PTPN12: variants seen among roughly 807,000 people sequenced by gnomAD.
PTPN12 encodes the protein tyrosine-protein phosphatase non-receptor type 12.
Under a neutral mutation model 97.6 loss-of-function variants are expected in PTPN12, and 29 were observed. The ratio of observed to expected loss-of-function variants is 0.30; its 90% CI spans 0.22 to 0.41. The LOEUF is 0.41. PTPN12 is among the 10% of genes least tolerant of loss of function. The pLI is 1.00. For missense variants in PTPN12, 819 were observed against 926.0 expected, an observed-to-expected ratio of 0.88 and a Z score of 1.50; for synonymous variants, 327 against 300.4, an observed-to-expected ratio of 1.09 and a Z score of -0.91.
chr7:77,626,604 G>A, intron 12 of PTPN12, 101 bp from the exon 13 acceptor site: 2 of 1,302,550 alleles, frequency 1.5e-6, no homozygotes, highest in Admixed American at 5.1e-5. Flanking sequence ...TTCGCAACCA[G>A]ATTGTAATGG....
intron 7 of PTPN12, among the ~76,000 whole-genome samples, chr7:77,599,696 A>C (rs1258285415): frequency 6.6e-6 from 1 of 152,204 alleles, no homozygotes; most frequent in Non-Finnish European, 1.5e-5. Context: ...ATATCCAGAT[A>C]CTGTTACGTC....
chr7:77,574,053 G>T (rs928840289), intron 2 of PTPN12, among the ~76,000 whole-genome samples: 1 of 152,200 alleles, frequency 6.6e-6, no homozygotes, highest in Non-Finnish European at 1.5e-5. Flanking sequence ...AGGGTGTACT[G>T]TATGCTGGGA....
At chr7:77,574,249 G>C (rs184458580) in intron 2 of PTPN12, among the ~76,000 whole-genome samples, 21 of 152,264 alleles carry the variant, frequency 1.4e-4, no homozygotes, top group Admixed American at 1.4e-3. Context: ...TACAGTTTTG[G>C]CTGGGGTAGT....
intron 9 of PTPN12, among the ~76,000 whole-genome samples, chr7:77,610,320 T>C (rs1218988364): frequency 1.3e-5 from 2 of 152,222 alleles, no homozygotes; most frequent in Non-Finnish European, 2.9e-5. Flanking sequence ...TAAATATCCT[T>C]ATCTTCTCTC....
intron 4 of PTPN12, 100 bp from the exon 5 acceptor site, chr7:77,585,443 A>G (rs550523222): frequency 8.3e-5 from 83 of 1,002,468 alleles, no homozygotes; most frequent in Non-Finnish European, 1.1e-4. Flanking sequence ...AGCCAATTAT[A>G]CTTCTCGGTG....
chr7:77,612,700 G>A (rs1788609736), intron 11 of PTPN12, among the ~76,000 whole-genome samples: 1 of 151,592 alleles, frequency 6.6e-6, no homozygotes, highest in African/African-American at 2.4e-5. Context: ...AGCCTCCCAA[G>A]TGCTAGGATT....
At chr7:77,629,370 A>G (rs969628910) in intron 13 of PTPN12, among the ~76,000 whole-genome samples, 4 of 152,234 alleles carry the variant, frequency 2.6e-5, no homozygotes, top group African/African-American at 9.6e-5. Context: ...CCAGTTTACC[A>G]TAATTTTAAA....
intron 8 of PTPN12, chr7:77,605,011 T>C (rs923694691): frequency 2.4e-5 from 5 of 209,646 alleles, no homozygotes; most frequent in African/African-American, 1.2e-4. Context: ...ATCTGTATCT[T>C]TATGTTATAC....
intron 9 of PTPN12, 96 bp downstream of exon 9, chr7:77,607,397 T>C (rs956055482): frequency 6.6e-6 from 6 of 912,710 alleles, no homozygotes; most frequent in African/African-American, 5.2e-5. Flanking sequence ...TATTTTATTA[T>C]ACATGTTATT....
chr7:77,592,178 A>C lies in PTPN12; in HGVS notation c.421-7A>C. 6.3e-7 allele frequency: 1 copy of C among 1,585,420 alleles called. No individual in the cohort carries two copies. The highest frequency in any genetic ancestry group is 1.2e-5 in the South Asian group (1 of 86,358). ...ATTACTTACTAATTTTTTTTTTTGG[A>C]TGACAGAAAAAATGTGAGCGCTATT... On this transcript the variant is annotated splice_polypyrimidine_tract_variant and splice_region_variant and intron_variant, in intron 5 of 17. Transcript: ENST00000248594.
At position 77,537,339 on chromosome 7, in the gene PTPN12, C is replaced by T; in HGVS notation, c.-208C>T. ...TGGTACTGTGGGAGAGCGGCGGCTG[C>T]TCCTGGAAGTTGTGGTGTCGGGAGC... On this transcript the variant is annotated 5_prime_UTR_variant, in exon 1 of 18. Transcript: ENST00000248594. The T allele has an allele frequency of 1.8e-6, 1 of 563,680 alleles. No homozygotes were observed. The highest frequency in any genetic ancestry group is 2.8e-6 in the Non-Finnish European group (1 of 354,744). 34.9% of individuals were successfully genotyped at this position (563,680 alleles called of 1,614,324 possible). A position where few individuals can be genotyped will look rare whatever the true frequency, so the allele number is the denominator to read the frequency against.
At chr7:77,607,967 CTGGTCTCGAACTTCT>C (rs1299554811) in intron 9 of PTPN12, among the ~76,000 whole-genome samples, 1 of 152,140 alleles carries the variant, frequency 6.6e-6, no homozygotes, top group Non-Finnish European at 1.5e-5. Flanking sequence ...GTTGGCCAGG[CTGGTCTCGAACTTCT>C]GACCTCAGGT....
At chr7:77,600,637 A>T in intron 7 of PTPN12, 27 bp from the exon 8 acceptor site, 1 of 1,555,002 alleles carries the variant, frequency 6.4e-7, no homozygotes, top group East Asian at 2.3e-5. Context: ...TATTTTCATA[A>T]TTGTTGACTT....
intron 12 of PTPN12, 49 bp from the exon 13 acceptor site, chr7:77,626,656 A>G: frequency 1.3e-6 from 2 of 1,517,442 alleles, no homozygotes; most frequent in Admixed American, 2.1e-5. Flanking sequence ...CTCAGGTATC[A>G]ACTTGTTTAA....
At chr7:77,544,896 T>C (rs558270103) in intron 1 of PTPN12, among the ~76,000 whole-genome samples, 1 of 152,352 alleles carries the variant, frequency 6.6e-6, no homozygotes, top group Non-Finnish European at 1.5e-5. Flanking sequence ...AGGGTTTGTC[T>C]TCTAGACGAT....
chr7:77,629,597 G>T (rs1293390733), intron 13 of PTPN12, among the ~76,000 whole-genome samples: 3 of 151,658 alleles, frequency 2.0e-5, no homozygotes, highest in African/African-American at 7.3e-5. Context: ...CTGGAAATAG[G>T]ATTTGGTGAG....
intron 5 of PTPN12, among the ~76,000 whole-genome samples, chr7:77,588,914 T>C (rs1787777997): frequency 6.6e-6 from 1 of 152,130 alleles, no homozygotes; most frequent in Non-Finnish European, 1.5e-5. Flanking sequence ...GCTGTGTCAG[T>C]CAGGCTGGAG....
At chr7:77,569,629 G>A (rs572557627) in intron 1 of PTPN12, among the ~76,000 whole-genome samples, 1 of 152,026 alleles carries the variant, frequency 6.6e-6, no homozygotes, top group African/African-American at 2.4e-5. Flanking sequence ...AAATTAGCTG[G>A]ACCTGGTGGC....
At chr7:77,552,557 T>G in intron 1 of PTPN12, among the ~76,000 whole-genome samples, 1 of 152,296 alleles carries the variant, frequency 6.6e-6, no homozygotes, top group Non-Finnish European at 1.5e-5. Flanking sequence ...AAATTATTAT[T>G]TTGCCTTTAA....
Sources: allele counts gnomAD v4.1 joint callset (sites outside exome capture counted in the v4.1 genomes callset), GRCh38; gene constraint gnomAD v4.1.1; transcripts MANE v1.5; gene names NCBI Gene and HGNC (gene_info 2026-07-23, HGNC 2026-07-21).